THSD4: variants seen among roughly 807,000 people sequenced by gnomAD.
The protein encoded by THSD4 is thrombospondin type-1 domain-containing protein 4.
THSD4 carries 69 observed loss-of-function variants against 119.0 expected under a neutral mutation model. The ratio of observed to expected loss-of-function variants is 0.58; its 90% CI spans 0.48 to 0.71. The LOEUF is 0.71. Among genes scored for constraint, THSD4 ranks in the 30% least tolerant of loss-of-function variants. THSD4 has a pLI of 0.00. For synonymous variants in THSD4, 524 were observed against 540.4 expected (o/e 0.97, Z 0.42); for missense variants, 1,393 against 1,391.1 (o/e 1.00, Z -0.02).
intron 10 of THSD4, 130 bp downstream of exon 10, chr15:71,731,347 AGCCAAGGG>A: frequency 1.2e-6 from 1 of 844,404 alleles, no homozygotes; most frequent in Non-Finnish European, 1.9e-6. Context: ...CATATTTCAA[AGCCAAGGG>A]GCCTTGACAT....
chr15:71,234,986 G>T (rs1305257808), intron 4 of THSD4, among the ~76,000 whole-genome samples: 1 of 152,164 alleles, frequency 6.6e-6, no homozygotes. Context: ...CTATTCCTCG[G>T]TATAATTTCT....
intron 4 of THSD4, among the ~76,000 whole-genome samples, chr15:71,238,174 A>G (rs935435705): frequency 6.6e-6 from 1 of 152,190 alleles, no homozygotes; most frequent in African/African-American, 2.4e-5. Context: ...GTTGCTCAAT[A>G]AAGGTTTGTT....
At chr15:71,172,601 A>C (rs537171012) in intron 3 of THSD4, among the ~76,000 whole-genome samples, 1 of 147,504 alleles carries the variant, frequency 6.8e-6, no homozygotes, top group Non-Finnish European at 1.5e-5. Flanking sequence ...TATTAGCTCC[A>C]GTAATCAAGA....
chr15:71,388,444 AT>A (rs1444391913), intron 6 of THSD4, among the ~76,000 whole-genome samples: 1 of 152,050 alleles, frequency 6.6e-6, no homozygotes, highest in East Asian at 1.9e-4. Context: ...AGGACGGCTG[AT>A]TTTTCCATCT....
chr15:71,282,867 T>G (rs964097354), intron 6 of THSD4, among the ~76,000 whole-genome samples: 5 of 152,118 alleles, frequency 3.3e-5, no homozygotes, highest in Admixed American at 1.3e-4. Flanking sequence ...TAATTAATTG[T>G]AGTCACAATA....
intron 6 of THSD4, among the ~76,000 whole-genome samples, chr15:71,356,927 C>A (rs1330948558): frequency 6.6e-6 from 1 of 152,222 alleles, no homozygotes; most frequent in Non-Finnish European, 1.5e-5. Flanking sequence ...AGGGTGATCA[C>A]TGAGTCCAGC....
At chr15:71,713,474 T>C (rs2052552701) in intron 8 of THSD4, among the ~76,000 whole-genome samples, 1 of 152,200 alleles carries the variant, frequency 6.6e-6, no homozygotes, top group Admixed American at 6.5e-5. Flanking sequence ...AAAAGAGATA[T>C]AGTGGGGTTT....
chr15:71,214,982 G>A (rs1030813814), intron 3 of THSD4, 53 bp from the exon 4 acceptor site: 1 of 1,227,894 alleles, frequency 8.1e-7, no homozygotes, highest in African/African-American at 1.6e-5. Flanking sequence ...AAAGCTTTTC[G>A]GGTGAAGAGA....
chr15:71,765,650 C>T (rs564244342), intron 16 of THSD4, among the ~76,000 whole-genome samples: 50 of 152,298 alleles, frequency 3.3e-4, no homozygotes, highest in African/African-American at 1.2e-3. Flanking sequence ...CACCTGTAAT[C>T]CCAATACTTT....
chr15:71,481,804 T>C (rs2047734539), intron 7 of THSD4, among the ~76,000 whole-genome samples: 1 of 152,246 alleles, frequency 6.6e-6, no homozygotes, highest in Non-Finnish European at 1.5e-5. Flanking sequence ...AATCCTTCTG[T>C]AGACATTTAT....
At chr15:71,218,002 G>A (rs1287920211) in intron 4 of THSD4, among the ~76,000 whole-genome samples, 1 of 151,786 alleles carries the variant, frequency 6.6e-6, no homozygotes, top group Admixed American at 6.5e-5. Context: ...GGCCAGGCTG[G>A]CCTCGAACTC....
Position 71,693,782 on chromosome 15 carries a change from C to T in THSD4, c.1357+33048C>T, listed in dbSNP as rs1359688996. Among the ~76,000 whole-genome samples, 5 of 152,226 alleles carry T rather than the reference C, an allele frequency of 3.3e-5. No individual in the cohort carries two copies. The East Asian group carries it at 5.8e-4, about 18-fold the overall frequency. ...GATTTGATGATTTTCTAAGGGGTTTCGCCTTTCACTTGGCTCCTACTCTCT... is the reference window on the plus strand; with the variant it reads ...GATTTGATGATTTTCTAAGGGGTTTTGCCTTTCACTTGGCTCCTACTCTCT... On this transcript the variant is annotated intron_variant, in intron 8 of 17. Coordinates refer to ENST00000261862, the MANE Select transcript of THSD4 (RefSeq NM_024817.3).
intron 7 of THSD4, among the ~76,000 whole-genome samples, chr15:71,485,616 G>A (rs968372485): frequency 6.6e-6 from 1 of 152,072 alleles, no homozygotes; most frequent in Non-Finnish European, 1.5e-5. Flanking sequence ...GGAGACAGAA[G>A]TGCCTGGAGA....
At chr15:71,472,561 A>G (rs1319370307) in intron 7 of THSD4, among the ~76,000 whole-genome samples, 1 of 152,126 alleles carries the variant, frequency 6.6e-6, no homozygotes, top group Non-Finnish European at 1.5e-5. Context: ...CTTCTTAGAG[A>G]ACAGAGGCTT....
chr15:71,321,490 G>A (rs1248990099), intron 6 of THSD4, among the ~76,000 whole-genome samples: 4 of 152,072 alleles, frequency 2.6e-5, no homozygotes, highest in Admixed American at 1.3e-4. Flanking sequence ...GAGCCAAGAT[G>A]GCGCCATTGC....
chr15:71,199,650 G>GTGTGTGTGGTGCATGTGTGGTA (rs2043762372), intron 3 of THSD4, among the ~76,000 whole-genome samples: 11 of 45,048 alleles, frequency 2.4e-4, no homozygotes, highest in South Asian at 8.9e-4. Flanking sequence ...TGTGTGTGGT[G>GTGTGTGTGGTGCATGTGTGGTA]TGTGTGTGTG....
At chr15:71,148,023 T>A (rs1282202035) in intron 2 of THSD4, among the ~76,000 whole-genome samples, 2 of 148,944 alleles carry the variant, frequency 1.3e-5, no homozygotes, top group Non-Finnish European at 3.0e-5. Flanking sequence ...CACCTCACAT[T>A]GCCAGAAGTA....
At chr15:71,630,794 T>C (rs1043508726) in intron 7 of THSD4, among the ~76,000 whole-genome samples, 1 of 152,150 alleles carries the variant, frequency 6.6e-6, no homozygotes, top group African/African-American at 2.4e-5. Context: ...GAGCAGGGTT[T>C]TTCAACAGCA....
intron 7 of THSD4, among the ~76,000 whole-genome samples, chr15:71,448,063 G>A (rs1453614320): frequency 2.0e-5 from 3 of 152,152 alleles, no homozygotes; most frequent in African/African-American, 7.2e-5. Context: ...CTGGTTTTAC[G>A]GGACAATGCC....
Sources: gnomAD v4.1 joint callset for allele counts (sites outside exome capture counted in the v4.1 genomes callset) on GRCh38, gnomAD v4.1.1 for gene constraint, MANE v1.5 for transcripts, NCBI Gene and HGNC (gene_info 2026-07-23, HGNC 2026-07-21) for gene names.